The following CREBBP variants were observed in gnomAD, a reference collection of about 807,000 sequenced individuals.
The protein encoded by CREBBP is CREB-binding protein.
In CREBBP, 19 loss-of-function variants were observed where a neutral mutation model predicts 265.0. The ratio of observed to expected loss-of-function variants is 0.07; its 90% CI spans 0.05 to 0.11. The LOEUF is 0.11. Ranked by LOEUF, CREBBP falls within the 10% of genes least tolerant of loss-of-function variation. CREBBP has a pLI of 1.00. For missense variants in CREBBP, 2,525 were observed against 3,219.0 expected, an observed-to-expected ratio of 0.78 and a Z score of 5.22; for synonymous variants, 1,457 against 1,223.7, an observed-to-expected ratio of 1.19 and a Z score of -3.98.
chr16:3,855,291 T>A (rs1267342585), intron 1 of CREBBP, among the ~76,000 whole-genome samples: 1 of 152,192 alleles, frequency 6.6e-6, no homozygotes, highest in Non-Finnish European at 1.5e-5. Flanking sequence ...TTAGACAGAG[T>A]CTTGCTCTGT....
At chr16:3,749,746 A>C (rs2151368834) in intron 20 of CREBBP, 63 bp from the exon 21 acceptor site, 3 of 1,081,234 alleles carry the variant, frequency 2.8e-6, no homozygotes. Context: ...TATAAACTAT[A>C]GGGTCTCTGG....
chr16:3,744,385 C>T (rs1001008691), intron 23 of CREBBP, among the ~76,000 whole-genome samples: 39 of 152,214 alleles, frequency 2.6e-4, no homozygotes, highest in African/African-American at 9.2e-4. Context: ...GTCTAAACCA[C>T]TTGAGAATAA....
In CREBBP at chr16:3,837,278, T is replaced by C. The variant is rs75735554; in HGVS notation, c.798+13019A>G. On this transcript the variant is annotated intron_variant, in intron 2 of 30. Transcript: ENST00000262367. ...GCTAGTGTGTGTGTGTCTGTGTGTA[T>C]GTGTGTACATTTATGTTTTAGCTTT... Among the ~76,000 whole-genome samples the C allele has an allele frequency of 7.0e-4, 107 of 152,306 alleles. 1 individual carries two copies. In the East Asian group the frequency reaches 0.016, roughly 23 times the overall value.
At chr16:3,747,182 C>G (rs967213603) in intron 21 of CREBBP, among the ~76,000 whole-genome samples, 8 of 152,248 alleles carry the variant, frequency 5.3e-5, no homozygotes, top group African/African-American at 1.4e-4. Flanking sequence ...TTCTCTACTA[C>G]AGAACAATGT....
At position 3,778,164 on chromosome 16, in the gene CREBBP, A is replaced by G. The variant is rs774044745; in HGVS notation, c.1960T>C (p.Leu654=). The part of the protein sequence containing the change: ...ANSRDEYYHL[L]AEKIYKIQKE... ...TGTATCTTGTAGATTTTCTCTGCTA[A>G]TAAGTGATAATATTCATCCTAAAAA... Residue 654 remains leucine (L), a synonymous_variant, in exon 10 of 31, where the codon TTA becomes CTA. Coordinates refer to ENST00000262367, the MANE Select transcript of CREBBP (RefSeq NM_004380.3). 7 of 1,608,450 alleles carry G rather than the reference A, an allele frequency of 4.4e-6. No individual in the cohort carries two copies. In the East Asian group the frequency reaches 8.9e-5, roughly 20 times the overall value.
chr16:3,879,990 C>T lies in CREBBP; in HGVS notation c.-74G>A. ...GAGGGCCCGGACGGGGGTCGGGGGCCCTGCCGGCTGCGAGGGAGAGGAGCG... is the reference window on the plus strand; with the variant it reads ...GAGGGCCCGGACGGGGGTCGGGGGCTCTGCCGGCTGCGAGGGAGAGGAGCG... On this transcript the variant is annotated 5_prime_UTR_variant, in exon 1 of 31. Coordinates refer to ENST00000262367, the MANE Select transcript of CREBBP (RefSeq NM_004380.3). The T allele has an allele frequency of 6.9e-7, 1 of 1,451,438 alleles. No homozygotes were observed. Among genetic ancestry groups the T allele is most frequent in the South Asian group, 1.2e-5 (1 of 81,342 alleles). The allele number at this position is 1,451,438 out of a possible 1,614,324, so 89.9% of individuals were successfully genotyped here.
intron 21 of CREBBP, among the ~76,000 whole-genome samples, chr16:3,746,501 C>T (rs2052345878): frequency 6.6e-6 from 1 of 152,204 alleles, no homozygotes; most frequent in African/African-American, 2.4e-5. Context: ...CCTCCACAAG[C>T]TCTGTCTTTG....
At chr16:3,745,573 AT>A in intron 21 of CREBBP, 1 of 573,734 alleles carries the variant, frequency 1.7e-6, no homozygotes, top group Non-Finnish European at 3.1e-6. Flanking sequence ...CAAGCGCTTC[AT>A]TCCTCTTTTC....
intron 1 of CREBBP, among the ~76,000 whole-genome samples, chr16:3,851,717 G>A (rs932857026): frequency 4.6e-5 from 7 of 151,754 alleles, no homozygotes; most frequent in African/African-American, 9.7e-5. Flanking sequence ...AGCCGGGCGC[G>A]GTGGCGGGCG....
chr16:3,769,034 C>A, intron 15 of CREBBP, 140 bp downstream of exon 15: 4 of 905,630 alleles, frequency 4.4e-6, no homozygotes, highest in Non-Finnish European at 6.9e-6. Flanking sequence ...ATTTCCTATA[C>A]ACCAAACCCC....
intron 24 of CREBBP, 52 bp from the exon 25 acceptor site, chr16:3,739,776 G>C (rs2151337977): frequency 1.2e-6 from 2 of 1,613,070 alleles, no homozygotes. Context: ...CTGACAAGGT[G>C]CTTCTGCACA....
At chr16:3,795,951 A>G (rs1355280194) in intron 3 of CREBBP, among the ~76,000 whole-genome samples, 1 of 152,216 alleles carries the variant, frequency 6.6e-6, no homozygotes, top group East Asian at 1.9e-4. Context: ...CTGGTTGTCC[A>G]AAACATGTCT....
chr16:3,828,607 G>A (rs2054284385), intron 2 of CREBBP, among the ~76,000 whole-genome samples: 1 of 152,104 alleles, frequency 6.6e-6, no homozygotes, highest in African/African-American at 2.4e-5. Context: ...TTCGTGCATG[G>A]GGGAAAACCT....
intron 28 of CREBBP, 102 bp from the exon 29 acceptor site, chr16:3,732,039 G>C (rs1231988538): frequency 1.1e-5 from 17 of 1,604,516 alleles, no homozygotes; most frequent in Non-Finnish European, 1.4e-5. Context: ...TCAGGCCAAA[G>C]TAGGTCACCA....
intron 2 of CREBBP, among the ~76,000 whole-genome samples, chr16:3,830,562 A>G (rs1416480210): frequency 6.6e-6 from 1 of 152,232 alleles, no homozygotes; most frequent in African/African-American, 2.4e-5. Context: ...ACAATCCAAA[A>G]TACATATTAA....
chr16:3,772,914 A>AC (rs2053048159), intron 13 of CREBBP, among the ~76,000 whole-genome samples: 1 of 108,886 alleles, frequency 9.2e-6, no homozygotes, highest in East Asian at 2.3e-4. Flanking sequence ...TACTAAAAAT[A>AC]CAAAAAAAAA....
chr16:3,818,060 C>T (rs1254265073), intron 2 of CREBBP, among the ~76,000 whole-genome samples: 1 of 152,076 alleles, frequency 6.6e-6, no homozygotes, highest in Non-Finnish European at 1.5e-5. Flanking sequence ...ACAACCACTC[C>T]GACAAACAAA....
intron 2 of CREBBP, among the ~76,000 whole-genome samples, chr16:3,841,636 G>C (rs1159890428): frequency 6.6e-6 from 1 of 152,030 alleles, no homozygotes; most frequent in East Asian, 1.9e-4. Context: ...GTGAGGCCTT[G>C]TCTCAAAATA....
rs184379300 is a variant in CREBBP at position 3,748,104 on chromosome 16, A to C, written c.3836+1523T>G. 5.0e-4 allele frequency among the ~76,000 whole-genome samples: 75 copies of C among 150,798 alleles called. 1 individual carries two copies. Among genetic ancestry groups the C allele is most frequent in the East Asian group, 3.2e-3 (16 of 5,060 alleles). On this transcript the variant is annotated intron_variant, in intron 21 of 30. Transcript: ENST00000262367. ...AAACTCCATCTCAAAAATAAAAATAAATACATACATACATACATACATAAG... is the reference window on the plus strand; with the variant it reads ...AAACTCCATCTCAAAAATAAAAATACATACATACATACATACATACATAAG...
Sources: allele counts gnomAD v4.1 joint callset (sites outside exome capture counted in the v4.1 genomes callset), GRCh38; gene constraint gnomAD v4.1.1; transcripts MANE v1.5; gene names NCBI Gene and HGNC (gene_info 2026-07-23, HGNC 2026-07-21).